MACROD2: variants seen among roughly 807,000 people sequenced by gnomAD.
The protein encoded by MACROD2 is mono-ADP ribosylhydrolase 2, also known as ADP-ribose glycohydrolase MACROD2.
Under a neutral mutation model 70.4 loss-of-function variants are expected in MACROD2, and 36 were observed. That is an observed-to-expected ratio of 0.51 (90% CI 0.39 to 0.68). The LOEUF (loss-of-function observed/expected upper bound fraction) is 0.68. Ranked by LOEUF, MACROD2 falls within the 30% of genes least tolerant of loss-of-function variation. The pLI is 0.00. For missense variants in MACROD2, 496 were observed against 538.4 expected, an observed-to-expected ratio of 0.92 and a Z score of 0.78; for synonymous variants, 172 against 178.8, an observed-to-expected ratio of 0.96 and a Z score of 0.30.
intron 8 of MACROD2, among the ~76,000 whole-genome samples, chr20:15,512,760 G>A (rs966668567): frequency 9.2e-5 from 14 of 152,144 alleles, no homozygotes; most frequent in South Asian, 2.1e-4. Flanking sequence ...TCCCCCCACC[G>A]CTGGCACAAT....
chr20:14,173,995 G>A (rs1162446105), intron 3 of MACROD2, among the ~76,000 whole-genome samples: 1 of 152,166 alleles, frequency 6.6e-6, no homozygotes, highest in Non-Finnish European at 1.5e-5. Context: ...TCTCAACCAT[G>A]GATACCAGCA....
At chr20:14,715,252 T>C (rs1046494530) in intron 5 of MACROD2, among the ~76,000 whole-genome samples, 3 of 152,112 alleles carry the variant, frequency 2.0e-5, no homozygotes, top group Non-Finnish European at 4.4e-5. Context: ...AATAATAGCA[T>C]GCAGAAAACT....
chr20:15,805,021 C>T (rs1169536919), intron 8 of MACROD2, among the ~76,000 whole-genome samples: 1 of 152,180 alleles, frequency 6.6e-6, no homozygotes, highest in Non-Finnish European at 1.5e-5. Flanking sequence ...ACGTGCTGAA[C>T]AATGCATCCT....
At chr20:16,020,773 G>T (rs1568714141) in intron 15 of MACROD2, among the ~76,000 whole-genome samples, 1 of 151,898 alleles carries the variant, frequency 6.6e-6, no homozygotes, top group East Asian at 1.9e-4. Context: ...GGGATGGGGG[G>T]AAGGAAATCC....
At chr20:15,293,590 T>TTA (rs2077560396) in intron 6 of MACROD2, among the ~76,000 whole-genome samples, 2 of 152,180 alleles carry the variant, frequency 1.3e-5, no homozygotes, top group Admixed American at 1.3e-4. Context: ...GCACATGAAA[T>TTA]GGAAATAACT....
At chr20:15,289,243 T>C (rs559840942) in intron 6 of MACROD2, among the ~76,000 whole-genome samples, 27 of 152,344 alleles carry the variant, frequency 1.8e-4, no homozygotes, top group African/African-American at 6.5e-4. Flanking sequence ...TTTTTCTAAC[T>C]AACTTTTAAA....
chr20:15,154,888 G>C (rs2145866273), intron 5 of MACROD2, among the ~76,000 whole-genome samples: 1 of 152,264 alleles, frequency 6.6e-6, no homozygotes, highest in Admixed American at 6.5e-5. Context: ...TCAGTCTTTA[G>C]AAATCATAAA....
At chr20:15,110,455 T>G (rs1179331045) in intron 5 of MACROD2, among the ~76,000 whole-genome samples, 1 of 152,078 alleles carries the variant, frequency 6.6e-6, no homozygotes, top group Non-Finnish European at 1.5e-5. Flanking sequence ...GGCCAGAGGC[T>G]GGGTGAAGGG....
chr20:15,373,875 C>A (rs1012682426), intron 6 of MACROD2, among the ~76,000 whole-genome samples: 1 of 151,930 alleles, frequency 6.6e-6, no homozygotes, highest in African/African-American at 2.4e-5. Context: ...AGTACTTTTC[C>A]TTGTACCTTT....
intron 5 of MACROD2, among the ~76,000 whole-genome samples, chr20:14,858,751 A>T (rs1030247627): frequency 1.3e-5 from 2 of 152,252 alleles, no homozygotes; most frequent in Middle Eastern, 3.4e-3. Flanking sequence ...ACTGGGTAGA[A>T]ATCCCACTAT....
At chr20:15,968,038 C>T (rs2066169443) in intron 13 of MACROD2, among the ~76,000 whole-genome samples, 1 of 152,030 alleles carries the variant, frequency 6.6e-6, no homozygotes, top group East Asian at 1.9e-4. Context: ...AGAAATGAAA[C>T]AATCTTTAGA....
chr20:14,403,002 T>A (rs1372513988), intron 3 of MACROD2, among the ~76,000 whole-genome samples: 2 of 152,176 alleles, frequency 1.3e-5, no homozygotes, highest in Non-Finnish European at 2.9e-5. Flanking sequence ...CTTCAAAATC[T>A]AGAACTCATA....
intron 3 of MACROD2, among the ~76,000 whole-genome samples, chr20:14,293,382 A>G (rs2122458286): frequency 6.6e-6 from 1 of 151,964 alleles, no homozygotes. Context: ...TAGAGAGTGA[A>G]TTGAGGCAGG....
intron 5 of MACROD2, among the ~76,000 whole-genome samples, chr20:15,170,832 T>A (rs964884980): frequency 6.6e-6 from 1 of 151,746 alleles, no homozygotes; most frequent in South Asian, 2.1e-4. Flanking sequence ...TGCTGAAGAG[T>A]TGAAAATACC....
chr20:15,135,567 AAAT>A (rs2076140495), intron 5 of MACROD2, among the ~76,000 whole-genome samples: 1 of 136,836 alleles, frequency 7.3e-6, no homozygotes, highest in Admixed American at 7.5e-5. Context: ...ACATATCTCA[AAAT>A]AATAAGAGCT....
At chr20:15,230,456 G>C (rs2076950657) in intron 6 of MACROD2, among the ~76,000 whole-genome samples, 1 of 152,096 alleles carries the variant, frequency 6.6e-6, no homozygotes, top group Non-Finnish European at 1.5e-5. Flanking sequence ...GTGCATTCTG[G>C]AGCCATGTTT....
chr20:14,685,006 C>T, intron 5 of MACROD2, 47 bp downstream of exon 5: 1 of 1,420,102 alleles, frequency 7.0e-7, no homozygotes, highest in South Asian at 1.2e-5. Flanking sequence ...GACATCTTAA[C>T]TTGTTTTACT....
chr20:15,690,426 A>G (rs1325052172), intron 8 of MACROD2, among the ~76,000 whole-genome samples: 1 of 152,210 alleles, frequency 6.6e-6, no homozygotes, highest in African/African-American at 2.4e-5. Context: ...CATTTTAGTC[A>G]TGCCAAGTAT....
intron 6 of MACROD2, among the ~76,000 whole-genome samples, chr20:15,239,866 C>T (rs1386090727): frequency 6.6e-6 from 1 of 152,216 alleles, no homozygotes; most frequent in Non-Finnish European, 1.5e-5. Context: ...TCTCTACCCT[C>T]TCAATGGTGA....
Sources: gnomAD v4.1 joint callset for allele counts (sites outside exome capture counted in the v4.1 genomes callset) on GRCh38, gnomAD v4.1.1 for gene constraint, MANE v1.5 for transcripts, NCBI Gene and HGNC (gene_info 2026-07-23, HGNC 2026-07-21) for gene names.